Variants in CDC42SE2 observed in about 807,000 individuals in gnomAD.
CDC42SE2 encodes the protein CDC42 small effector 2, also known as CDC42 small effector protein 2.
CDC42SE2 carries 3 observed loss-of-function variants against 11.5 expected under a neutral mutation model. The observed-to-expected ratio is 0.26, with a 90% CI of 0.12 to 0.67. The LOEUF (loss-of-function observed/expected upper bound fraction) is 0.67. CDC42SE2 is among the 30% of genes least tolerant of loss of function. The pLI is 0.80. For synonymous variants in CDC42SE2, 33 were observed against 34.8 expected (o/e 0.95, Z 0.18); for missense variants, 82 against 106.8 (o/e 0.77, Z 1.02).
intron 2 of CDC42SE2, among the ~76,000 whole-genome samples, chr5:131,337,615 A>T (rs1431797938): frequency 6.6e-6 from 1 of 152,214 alleles, no homozygotes; most frequent in Non-Finnish European, 1.5e-5. Flanking sequence ...GGTGGGCTCC[A>T]CCCAGTTCGA....
chr5:131,345,154 T>C (rs1758808453), intron 2 of CDC42SE2, among the ~76,000 whole-genome samples: 1 of 151,580 alleles, frequency 6.6e-6, no homozygotes, highest in Admixed American at 6.5e-5. Context: ...GAGAATGACT[T>C]TGGCAAGTTG....
intron 1 of CDC42SE2, among the ~76,000 whole-genome samples, chr5:131,274,484 T>C (rs1394634106): frequency 6.6e-6 from 1 of 152,202 alleles, no homozygotes; most frequent in East Asian, 1.9e-4. Context: ...GCAACCATCG[T>C]CTCTTGCATG....
At chr5:131,303,739 T>C (rs931411714) in intron 1 of CDC42SE2, among the ~76,000 whole-genome samples, 1 of 152,222 alleles carries the variant, frequency 6.6e-6, no homozygotes, top group African/African-American at 2.4e-5. Flanking sequence ...ACATACAGCC[T>C]GTACTCATTC....
At chr5:131,336,331 G>C (rs778723932) in intron 2 of CDC42SE2, among the ~76,000 whole-genome samples, 1 of 152,160 alleles carries the variant, frequency 6.6e-6, no homozygotes, top group Non-Finnish European at 1.5e-5. Flanking sequence ...AGTTTCTGCC[G>C]AGAGATCTGC....
At chr5:131,296,539 C>T (rs1487550249) in intron 1 of CDC42SE2, among the ~76,000 whole-genome samples, 3 of 152,186 alleles carry the variant, frequency 2.0e-5, no homozygotes, top group East Asian at 1.9e-4. Flanking sequence ...TGCTTTACTC[C>T]AGTCTCTTGC....
At chr5:131,376,247 A>G (rs932650102) in intron 3 of CDC42SE2, among the ~76,000 whole-genome samples, 1 of 151,834 alleles carries the variant, frequency 6.6e-6, no homozygotes, top group African/African-American at 2.4e-5. Context: ...AAAAAAAAAA[A>G]CAAAAAACCT....
chr5:131,340,501 T>C lies in CDC42SE2; in HGVS notation c.-285-18708T>C, dbSNP rs73249258. On this transcript the variant is annotated intron_variant, in intron 2 of 4. Transcript: ENST00000505065. Reference sequence around the variant, plus strand: ...AGGGAACTACTGTATAGATATTCTTTTAACAGCGTATCTGGGTGAAGGATA... The same window carrying C: ...AGGGAACTACTGTATAGATATTCTTCTAACAGCGTATCTGGGTGAAGGATA... Among the ~76,000 whole-genome samples the C allele has an allele frequency of 5.7e-3, 867 of 152,276 alleles. 14 individuals are homozygous for C. The highest frequency in any genetic ancestry group is 0.019 in the African/African-American group (775 of 41,554).
intron 2 of CDC42SE2, among the ~76,000 whole-genome samples, chr5:131,256,215 A>G (rs1470304648): frequency 6.6e-6 from 1 of 152,208 alleles, no homozygotes; most frequent in Non-Finnish European, 1.5e-5. Flanking sequence ...TTGCTAAATT[A>G]TCAGGAATTC....
intron 1 of CDC42SE2, among the ~76,000 whole-genome samples, chr5:131,270,350 G>T (rs1489060584): frequency 1.3e-5 from 2 of 152,174 alleles, no homozygotes; most frequent in African/African-American, 4.8e-5. Flanking sequence ...ACTCCAGCCT[G>T]GGCGAAAGAG....
At chr5:131,244,907 G>A (rs915455101), upstream of CDC42SE2, among the ~76,000 whole-genome samples, 28 of 152,030 alleles carry the variant, frequency 1.8e-4, no homozygotes, top group Non-Finnish European at 4.1e-4. Context: ...GAATTACTGC[G>A]GGAAAATTAC....
intron 1 of CDC42SE2, among the ~76,000 whole-genome samples, chr5:131,302,886 C>CAA (rs1439997248): frequency 3.3e-5 from 5 of 151,690 alleles, no homozygotes; most frequent in African/African-American, 1.2e-4. Context: ...GCTTCTTTCC[C>CAA]CTTTAACGTT....
intron 2 of CDC42SE2, among the ~76,000 whole-genome samples, chr5:131,340,183 G>A (rs1758679091): frequency 6.6e-6 from 1 of 152,124 alleles, no homozygotes; most frequent in African/African-American, 2.4e-5. Flanking sequence ...TCGTGGTTTT[G>A]CTTTCTTTGG....
At chr5:131,387,094 G>A (rs564387997) in intron 4 of CDC42SE2, among the ~76,000 whole-genome samples, 1 of 152,264 alleles carries the variant, frequency 6.6e-6, no homozygotes, top group South Asian at 2.1e-4. Flanking sequence ...TTTGTTTCCT[G>A]CATCAACATA....
At position 131,271,339 on chromosome 5, in the gene CDC42SE2, C is replaced by T. The variant is rs144898870; in HGVS notation, c.-455+7173C>T. 6.0e-3 allele frequency among the ~76,000 whole-genome samples: 908 copies of T among 152,220 alleles called. 5 individuals are homozygous for T. The highest frequency in any genetic ancestry group is 0.024 in the Middle Eastern group (7 of 294). The stretch of plus-strand genomic sequence containing the variant: ...ATAAAATGCAGTAGACCCTCCAAAT[C>T]ATCAGATTTCACATCTGAGGATTTA... On this transcript the variant is annotated intron_variant, in intron 1 of 4. Transcript: ENST00000505065.
At chr5:131,250,440 C>T (rs1461222496) in intron 1 of CDC42SE2, among the ~76,000 whole-genome samples, 1 of 152,144 alleles carries the variant, frequency 6.6e-6, no homozygotes, top group South Asian at 2.1e-4. Flanking sequence ...ATGGAGGAAA[C>T]TTAAATACAT....
chr5:131,392,087 A>C lies in CDC42SE2; in HGVS notation c.*996A>C, dbSNP rs1267157025. ...ATTGTCACTGAATTTTCAATGTTTA[A>C]TCAGTATGGATCTGATCTTCGCATG... is the stretch of plus-strand genomic sequence containing the variant. On this transcript the variant is annotated 3_prime_UTR_variant, in exon 5 of 5. Coordinates refer to ENST00000505065, the MANE Select transcript of CDC42SE2 (RefSeq NM_001375635.1). 1 of 152,530 alleles carries C rather than the reference A, an allele frequency of 6.6e-6. No individual in the cohort carries two copies. Among genetic ancestry groups the C allele is most frequent in the Non-Finnish European group, 1.5e-5 (1 of 68,018 alleles). 9.4% of individuals were successfully genotyped at this position (152,530 alleles called of 1,614,324 possible). A position where few individuals can be genotyped will look rare whatever the true frequency, so the allele number is the denominator to read the frequency against.
chr5:131,386,723 G>C (rs1326838919), intron 4 of CDC42SE2, among the ~76,000 whole-genome samples: 1 of 152,192 alleles, frequency 6.6e-6, no homozygotes, highest in Non-Finnish European at 1.5e-5. Context: ...GCAGGCCACT[G>C]AGTTTCAACA....
At chr5:131,250,869 AG>A (rs1259953999) in intron 1 of CDC42SE2, among the ~76,000 whole-genome samples, 1 of 152,110 alleles carries the variant, frequency 6.6e-6, no homozygotes, top group Admixed American at 6.5e-5. Context: ...GCAAGATCCC[AG>A]GGTCTCTTAA....
intron 1 of CDC42SE2, among the ~76,000 whole-genome samples, chr5:131,279,170 T>C (rs1408540473): frequency 1.3e-5 from 2 of 152,248 alleles, no homozygotes; most frequent in Non-Finnish European, 2.9e-5. Context: ...AGTGGAGTTA[T>C]ATCAGTGCTT....
Sources: allele counts gnomAD v4.1 joint callset (sites outside exome capture counted in the v4.1 genomes callset), GRCh38; gene constraint gnomAD v4.1.1; transcripts MANE v1.5; gene names NCBI Gene and HGNC (gene_info 2026-07-23, HGNC 2026-07-21).